Variants in DNAH5 observed in about 807,000 individuals in gnomAD.
DNAH5 encodes dynein axonemal heavy chain 5, also known as axonemal beta dynein heavy chain 5.
A neutral mutation model predicts 518.2 loss-of-function variants in DNAH5; 372 were observed. The ratio of observed to expected loss-of-function variants is 0.72; its 90% CI spans 0.66 to 0.78. The LOEUF is 0.78. DNAH5 is among the 30% of genes least tolerant of loss of function. The probability of loss-of-function intolerance (pLI) is 0.00; values close to 1 mark genes in which losing one functional copy is unlikely to be tolerated. For synonymous variants in DNAH5, 2,039 were observed against 2,025.9 expected, an observed-to-expected ratio of 1.01 and a Z score of -0.17; for missense variants, 5,523 against 5,687.0, an observed-to-expected ratio of 0.97 and a Z score of 0.93.
intron 78 of DNAH5, among the ~76,000 whole-genome samples, chr5:13,699,376 A>T (rs1741777287): frequency 6.6e-6 from 1 of 152,182 alleles, no homozygotes; most frequent in Non-Finnish European, 1.5e-5. Flanking sequence ...ACCTAAGGTT[A>T]TGGCTGGTAA....
intron 32 of DNAH5, among the ~76,000 whole-genome samples, chr5:13,843,091 C>A (rs1765505549): frequency 6.6e-6 from 1 of 152,192 alleles, no homozygotes; most frequent in South Asian, 2.1e-4. Context: ...CTTCTTTCAA[C>A]CCACACATCC....
chr5:13,854,065 T>C (rs1017763338), intron 30 of DNAH5, among the ~76,000 whole-genome samples: 3 of 151,940 alleles, frequency 2.0e-5, no homozygotes, highest in African/African-American at 7.3e-5. Flanking sequence ...CCAAAACACA[T>C]AATCATCAGA....
chr5:14,011,775 C>T (rs1251453601), exon 1 of DNAH5, among the ~76,000 whole-genome samples: 1 of 152,184 alleles, frequency 6.6e-6, no homozygotes, highest in East Asian at 1.9e-4. Context: ...CTCAGGCCGC[C>T]CGGCTAGCCG....
At chr5:13,935,730 C>T (rs1389064050) in intron 1 of DNAH5, among the ~76,000 whole-genome samples, 2 of 152,194 alleles carry the variant, frequency 1.3e-5, no homozygotes, top group Non-Finnish European at 2.9e-5. Context: ...GCAGACCTAA[C>T]CCTGCAGCTT....
intron 1 of DNAH5, among the ~76,000 whole-genome samples, chr5:13,970,664 T>C (rs1459668837): frequency 6.6e-6 from 1 of 152,266 alleles, no homozygotes; most frequent in Non-Finnish European, 1.5e-5. Context: ...GCTGCTACTC[T>C]GATAGGTTTT....
At chr5:13,848,393 A>T (rs944803481) in intron 31 of DNAH5, among the ~76,000 whole-genome samples, 10 of 152,230 alleles carry the variant, frequency 6.6e-5, no homozygotes, top group African/African-American at 2.4e-4. Flanking sequence ...ACCAGGGACC[A>T]ATTTCATGGA....
intron 44 of DNAH5, 50 bp from the exon 45 acceptor site, chr5:13,810,310 C>T (rs1317597333): frequency 6.7e-7 from 1 of 1,497,006 alleles, no homozygotes; most frequent in South Asian, 1.2e-5. Context: ...GAAACCCAAA[C>T]GTTGCTCTAG....
rs764594038 is a variant in DNAH5, at chr5:13,770,823, T to C, written c.9531A>G (p.Ser3177=). Reference sequence around the variant, plus strand: ...TATAGCCCTGAATAAAGGAGAGGTATGATTTGGGCGTCACGTGGGTAGAAC... The same window carrying C: ...TATAGCCCTGAATAAAGGAGAGGTACGATTTGGGCGTCACGTGGGTAGAAC... ...FRRSTHVTPK[S]YLSFIQGYKF... Residue 3177 remains serine (S), a synonymous_variant, in exon 56 of 79, where the codon TCA becomes TCG. Coordinates refer to ENST00000265104, the MANE Select transcript of DNAH5 (RefSeq NM_001369.3). 2 of 1,614,112 alleles carry C rather than the reference T, an allele frequency of 1.2e-6. No homozygotes were observed. Among genetic ancestry groups the C allele is most frequent in the Non-Finnish European group, 1.7e-6 (2 of 1,179,990 alleles).
chr5:13,807,589 A>G lies in DNAH5; in HGVS notation c.7887+2T>C. On this transcript the variant is annotated splice_donor_variant, in intron 47 of 78. Coordinates refer to ENST00000265104, the MANE Select transcript of DNAH5 (RefSeq NM_001369.3). LOFTEE classifies it high-confidence loss of function. ...TACTGAGCCATACCAAAGAGCCAGT[A>G]CCTGGAACATCAGTGGGGTGGTTGC... The G allele has an allele frequency of 1.9e-6, 3 of 1,613,564 alleles. No individual in the cohort carries two copies. Among genetic ancestry groups the G allele is most frequent in the Non-Finnish European group, 2.5e-6 (3 of 1,179,650 alleles).
intron 47 of DNAH5, among the ~76,000 whole-genome samples, chr5:13,800,573 A>T (rs1212926093): frequency 6.6e-6 from 1 of 152,080 alleles, no homozygotes; most frequent in Non-Finnish European, 1.5e-5. Flanking sequence ...CCATTCCATT[A>T]TGTCTTTCTT....
intron 38 of DNAH5, among the ~76,000 whole-genome samples, chr5:13,827,197 T>C (rs1177394224): frequency 6.6e-6 from 1 of 152,158 alleles, no homozygotes; most frequent in African/African-American, 2.4e-5. Context: ...ATAAAAGTTT[T>C]GAAACTTTGT....
intron 75 of DNAH5, among the ~76,000 whole-genome samples, chr5:13,712,339 AAATCTAAGACCTG>A (rs1443274263): frequency 1.3e-5 from 2 of 152,264 alleles, no homozygotes; most frequent in Non-Finnish European, 2.9e-5. Context: ...TTAAGGACTT[AAATCTAAGACCTG>A]AAACTACAAA....
intron 1 of DNAH5, among the ~76,000 whole-genome samples, chr5:13,972,386 A>C (rs1200428243): frequency 6.6e-6 from 1 of 152,116 alleles, no homozygotes; most frequent in Non-Finnish European, 1.5e-5. Flanking sequence ...AATTGTTACA[A>C]AGTTCAATTG....
Position 13,701,058 on chromosome 5 carries a change from A to G in DNAH5, c.13492-187T>C, listed in dbSNP as rs6883283. 0.49 allele frequency among the ~76,000 whole-genome samples: 74,908 copies of G among 152,162 alleles called. 19,142 individuals are homozygous for G. Among genetic ancestry groups the G allele is most frequent in the African/African-American group, 0.62 (25,722 of 41,498 alleles). On this transcript the variant is annotated intron_variant, in intron 77 of 78. Coordinates refer to ENST00000265104, the MANE Select transcript of DNAH5 (RefSeq NM_001369.3). Reference sequence around the variant, plus strand: ...AATTGAGCTAGGTCTACTTTAAAAAAAAATAGAAAATCAAATCAAATACAA... The same window carrying G: ...AATTGAGCTAGGTCTACTTTAAAAAGAAATAGAAAATCAAATCAAATACAA...
At chr5:13,709,701 G>A (rs1242712635) in intron 75 of DNAH5, among the ~76,000 whole-genome samples, 2 of 152,242 alleles carry the variant, frequency 1.3e-5, no homozygotes, top group Non-Finnish European at 1.5e-5. Context: ...CAGGACTCAG[G>A]AGACACCCCA....
intron 34 of DNAH5, among the ~76,000 whole-genome samples, chr5:13,840,215 C>G (rs1764973155): frequency 6.6e-6 from 1 of 152,208 alleles, no homozygotes; most frequent in Non-Finnish European, 1.5e-5. Context: ...CCTTTACTTC[C>G]ATTATATCAG....
At chr5:13,818,863 T>G (rs149121570) in intron 41 of DNAH5, among the ~76,000 whole-genome samples, 1 of 152,372 alleles carries the variant, frequency 6.6e-6, no homozygotes, top group African/African-American at 2.4e-5. Context: ...TTAAATTATC[T>G]TCTCAACCTT....
chr5:13,701,956 C>T (rs186422790), intron 76 of DNAH5, among the ~76,000 whole-genome samples: 121 of 152,298 alleles, frequency 7.9e-4, no homozygotes, highest in Non-Finnish European at 1.5e-3. Flanking sequence ...TTAATTTTAA[C>T]GGGGTAAACA....
rs765566079 is a variant in DNAH5, at chr5:13,928,096, G to A, written c.275C>T (p.Thr92Ile). Residue 92 changes from threonine to isoleucine, a missense_variant and splice_region_variant, in exon 3 of 79, where the codon ACA (threonine) becomes ATA (isoleucine). Coordinates refer to ENST00000265104, the MANE Select transcript of DNAH5 (RefSeq NM_001369.3). ...FYYQDVEEAE[T>I]GQLGSLGGVN... is the part of the protein sequence containing the mutation. ...TATGTCACATCAAATTCAGATACCTGTTTCTGCTTCCTCCACATCTTGATA... is the reference window on the plus strand; with the variant it reads ...TATGTCACATCAAATTCAGATACCTATTTCTGCTTCCTCCACATCTTGATA... The A allele has an allele frequency of 3.1e-6, 5 of 1,612,286 alleles. No homozygotes were observed. Among genetic ancestry groups the A allele is most frequent in the Non-Finnish European group, 4.2e-6 (5 of 1,178,508 alleles).
Sources: gnomAD v4.1 joint callset for allele counts (sites outside exome capture counted in the v4.1 genomes callset) on GRCh38, gnomAD v4.1.1 for gene constraint, MANE v1.5 for transcripts, NCBI Gene and HGNC (gene_info 2026-07-23, HGNC 2026-07-21) for gene names.